The following IL20RA variants were observed in gnomAD, a reference collection of about 807,000 sequenced individuals.
IL20RA encodes the protein interleukin-20 receptor subunit alpha.
A neutral mutation model predicts 36.5 loss-of-function variants in IL20RA; 29 were observed. That is an observed-to-expected ratio of 0.79 (90% CI 0.59 to 1.08). The LOEUF (loss-of-function observed/expected upper bound fraction) is 1.08, where lower values mean the gene tolerates loss of function less well. Ranked by LOEUF, IL20RA falls within the 50% of genes least tolerant of loss-of-function variation. The pLI is 0.00. For synonymous variants in IL20RA, 279 were observed against 267.1 expected, an observed-to-expected ratio of 1.04 and a Z score of -0.43; for missense variants, 652 against 668.4, an observed-to-expected ratio of 0.98 and a Z score of 0.27.
intron 1 of IL20RA, among the ~76,000 whole-genome samples, chr6:137,033,106 G>C (rs902085621): frequency 1.3e-5 from 2 of 152,170 alleles, no homozygotes; most frequent in Non-Finnish European, 2.9e-5. Context: ...CAGCTCTAAG[G>C]CTGGATGTCT....
At chr6:137,016,018 T>C (rs1415663335) in intron 2 of IL20RA, among the ~76,000 whole-genome samples, 2 of 152,142 alleles carry the variant, frequency 1.3e-5, no homozygotes, top group African/African-American at 4.8e-5. Context: ...AATCCATTAT[T>C]CCCTTTGCTC....
chr6:137,032,593 C>T (rs1247214635), intron 1 of IL20RA, among the ~76,000 whole-genome samples: 1 of 152,184 alleles, frequency 6.6e-6, no homozygotes, highest in Non-Finnish European at 1.5e-5. Context: ...ACAGTAATTT[C>T]AATGTTGCAT....
intron 1 of IL20RA, among the ~76,000 whole-genome samples, chr6:137,025,958 C>G (rs276496): frequency 0.82 from 124,971 of 152,228 alleles, 56,623 homozygotes; most frequent in East Asian, 1. Context: ...AACCCAACCT[C>G]TCTTTTGTGG....
In IL20RA at chr6:137,013,092, ACTTTACCACATGC is replaced by A. The variant is rs1378366028; in HGVS notation, c.225-1653_225-1641del. On this transcript the variant is annotated intron_variant, in intron 2 of 6. Transcript: ENST00000316649. ...AAAAATTGTACAAGAAAATATTTAA[ACTTTACCACATGC>A]CTTGCATTCAGTTATTTTTCATTCC... Among the ~76,000 whole-genome samples, 3 of 152,336 alleles carry A rather than the reference ACTTTACCACATGC, an allele frequency of 2.0e-5. No individual in the cohort carries two copies. The East Asian group carries it at 5.8e-4, about 29-fold the overall frequency.
intron 2 of IL20RA, among the ~76,000 whole-genome samples, chr6:137,016,154 C>T (rs1775675701): frequency 6.6e-6 from 1 of 152,180 alleles, no homozygotes. Context: ...CAGCTTCTCC[C>T]TGGGCTGTGA....
rs1413319959 is a variant in IL20RA, at chr6:137,011,971, A to G, written c.225-519T>C. Among the ~76,000 whole-genome samples the G allele has an allele frequency of 2.0e-5, 3 of 152,204 alleles. No individual in the cohort carries two copies. The East Asian group carries it at 5.8e-4, about 29-fold the overall frequency. ...ACAGAAATCTGCATTTTTGATAATT[A>G]TAGTGATGATGATAATATTGACTAG... On this transcript the variant is annotated intron_variant, in intron 2 of 6. Transcript: ENST00000316649.
chr6:137,035,342 A>C (rs1417009574), intron 1 of IL20RA, among the ~76,000 whole-genome samples: 3 of 152,238 alleles, frequency 2.0e-5, no homozygotes, highest in African/African-American at 7.2e-5. Flanking sequence ...ATATTAATTA[A>C]CCAACAACTC....
In IL20RA at chr6:137,002,317, A is replaced by G. The variant is rs1006884388; in HGVS notation, c.903T>C (p.Phe301=). ...IYGNEFDKRF[F]VPAEKIVINF... ...TAATCACGATTTTTTCAGCAGGCACAAAGAATCTTTTGTCAAATTCATTTC... is the reference window on the plus strand; with the variant it reads ...TAATCACGATTTTTTCAGCAGGCACGAAGAATCTTTTGTCAAATTCATTTC... Residue 301 remains phenylalanine, a synonymous_variant, in exon 7 of 7, where the codon TTT becomes TTC. Coordinates refer to ENST00000316649, the MANE Select transcript of IL20RA (RefSeq NM_014432.4). The G allele has an allele frequency of 6.2e-7, 1 of 1,604,764 alleles. No individual in the cohort carries two copies. The highest frequency in any genetic ancestry group is 8.5e-7 in the Non-Finnish European group (1 of 1,176,926).
At chr6:137,007,867 G>A (rs999889555) in intron 5 of IL20RA, among the ~76,000 whole-genome samples, 2 of 152,216 alleles carry the variant, frequency 1.3e-5, no homozygotes, top group African/African-American at 4.8e-5. Context: ...AGTAAAAAAT[G>A]AATTCTGCTT....
rs562081074 is a variant in IL20RA at position 137,044,210 on chromosome 6, C to G, written c.88+431G>C. 2.2e-3 allele frequency: 2,209 copies of G among 987,586 alleles called. 42 individuals carry two copies. In the African/African-American group the frequency reaches 0.034, roughly 15 times the overall value. 61.2% of individuals were successfully genotyped at this position (987,586 alleles called of 1,614,324 possible). A position where few individuals can be genotyped will look rare whatever the true frequency, so the allele number is the denominator to read the frequency against. On this transcript the variant is annotated intron_variant, in intron 1 of 6. Coordinates refer to ENST00000316649, the MANE Select transcript of IL20RA (RefSeq NM_014432.4). ...TTGCAGGACTGCGGGGCCCGGCGGCCGAGACGCGGCATCCACAGGGGCCCC... is the reference window on the plus strand; with the variant it reads ...TTGCAGGACTGCGGGGCCCGGCGGCGGAGACGCGGCATCCACAGGGGCCCC...
At chr6:137,019,953 C>T (rs1304806817) in intron 1 of IL20RA, among the ~76,000 whole-genome samples, 5 of 152,210 alleles carry the variant, frequency 3.3e-5, no homozygotes, top group Admixed American at 1.3e-4. Context: ...TCTTGGCATT[C>T]ACAGGTTGTA....
At chr6:137,016,756 G>A (rs1775701419) in intron 2 of IL20RA, among the ~76,000 whole-genome samples, 1 of 152,086 alleles carries the variant, frequency 6.6e-6, no homozygotes, top group Non-Finnish European at 1.5e-5. Flanking sequence ...AAATAACCTT[G>A]CCTTGCCTGA....
chr6:137,009,593 CCTTTTTTT>C, intron 3 of IL20RA, 101 bp from the exon 4 acceptor site: 1 of 459,516 alleles, frequency 2.2e-6, no homozygotes, highest in Non-Finnish European at 3.7e-6. Context: ...TAAAAGACAT[CCTTTTTTT>C]TTTTTTTTTT....
chr6:137,038,767 G>C (rs1012981903), intron 1 of IL20RA, among the ~76,000 whole-genome samples: 2 of 152,006 alleles, frequency 1.3e-5, no homozygotes, highest in East Asian at 3.9e-4. Flanking sequence ...ATGACACCTG[G>C]TAAAATTGTA....
At chr6:137,043,998 AG>A in intron 1 of IL20RA, 1 of 615,626 alleles carries the variant, frequency 1.6e-6, no homozygotes, top group Non-Finnish European at 2.0e-6. Flanking sequence ...ACGAGTTAAA[AG>A]TTTTGTTATT....
chr6:137,034,764 C>G (rs1436851853), intron 1 of IL20RA, among the ~76,000 whole-genome samples: 1 of 151,900 alleles, frequency 6.6e-6, no homozygotes, highest in Non-Finnish European at 1.5e-5. Context: ...CACGGTGAAA[C>G]CCTGTCTCTA....
intron 1 of IL20RA, among the ~76,000 whole-genome samples, chr6:137,036,051 C>T (rs1226887819): frequency 6.6e-6 from 1 of 152,146 alleles, no homozygotes; most frequent in African/African-American, 2.4e-5. Context: ...TGTCTTTAGT[C>T]TTTATTAAGT....
Position 137,027,936 on chromosome 6 carries a change from C to T in IL20RA, c.89-10833G>A, listed in dbSNP as rs1249469418. The stretch of plus-strand genomic sequence containing the variant: ...GATTATATGACCAAGATCAATTTTG[C>T]ATATTAAAGATTGTGGCTTCTAAGG... On this transcript the variant is annotated intron_variant, in intron 1 of 6. Coordinates refer to ENST00000316649, the MANE Select transcript of IL20RA (RefSeq NM_014432.4). 2.6e-5 allele frequency among the ~76,000 whole-genome samples: 4 copies of T among 152,194 alleles called. No individual in the cohort carries two copies. The East Asian group carries it at 7.7e-4, about 29-fold the overall frequency.
At chr6:137,004,174 T>G (rs117524962) in intron 6 of IL20RA, among the ~76,000 whole-genome samples, 1,911 of 124,268 alleles carry the variant, frequency 0.015, 101 homozygotes, top group Middle Eastern at 0.027. Flanking sequence ...TTTTTTTTTT[T>G]TTTTTTTTTT....
Sources: allele counts gnomAD v4.1 joint callset (sites outside exome capture counted in the v4.1 genomes callset), GRCh38; gene constraint gnomAD v4.1.1; transcripts MANE v1.5; gene names NCBI Gene and HGNC (gene_info 2026-07-23, HGNC 2026-07-21).